Variants in CD58 observed in about 807,000 individuals in gnomAD.
CD58 encodes lymphocyte function-associated antigen 3.
In CD58, 14 loss-of-function variants were observed where a neutral mutation model predicts 27.6. The observed-to-expected ratio is 0.51, with a 90% CI of 0.34 to 0.79. The LOEUF (loss-of-function observed/expected upper bound fraction) is 0.79, where lower values mean the gene tolerates loss of function less well. CD58 is among the 30% of genes least tolerant of loss of function. The probability of loss-of-function intolerance (pLI) is 0.02; values close to 1 mark genes in which losing one functional copy is unlikely to be tolerated. For missense variants in CD58, 268 were observed against 301.7 expected (o/e 0.89, Z 0.83); for synonymous variants, 117 against 103.8 (o/e 1.13, Z -0.77).
At position 116,532,601 on chromosome 1, in the gene CD58, C is replaced by T. The variant is rs925767257; in HGVS notation, c.628+3364G>A. Among the ~76,000 whole-genome samples the T allele has an allele frequency of 6.6e-6, 1 of 152,174 alleles. No homozygotes were observed. Among genetic ancestry groups the T allele is most frequent in the Non-Finnish European group, 1.5e-5 (1 of 68,032 alleles). On this transcript the variant is annotated intron_variant, in intron 3 of 5. Coordinates refer to ENST00000369489, the MANE Select transcript of CD58 (RefSeq NM_001779.3). The surrounding 1 kb of genome is among the most constrained non-coding windows in gnomAD (Gnocchi z 5.1). ...ATCACCAGACCTCGGCCCTTTTAGC[C>T]AAGTGATCCCCACCCCATCCCACCC...
At chr1:116,562,878 C>G (rs906597214) in intron 1 of CD58, among the ~76,000 whole-genome samples, 5 of 152,182 alleles carry the variant, frequency 3.3e-5, no homozygotes, top group Admixed American at 6.5e-5. Context: ...CACCCCGGCC[C>G]CTCCCAAATC....
chr1:116,535,618 G>C (rs1313728919), intron 3 of CD58, among the ~76,000 whole-genome samples: 1 of 98,408 alleles, frequency 1.0e-5, no homozygotes, highest in Admixed American at 1.2e-4. Flanking sequence ...GAGGCGGGCG[G>C]ATCACGAGGT....
chr1:116,556,515 T>C (rs1658574479), intron 1 of CD58, among the ~76,000 whole-genome samples: 3 of 151,974 alleles, frequency 2.0e-5, no homozygotes, highest in Admixed American at 2.0e-4. Context: ...ATAGACAGCA[T>C]TGGAACAGCA....
rs1204851735 is a variant in CD58 at position 116,559,806 on chromosome 1, G to A, written c.70+11097C>T. On this transcript the variant is annotated intron_variant, in intron 1 of 5. Coordinates refer to ENST00000369489, the MANE Select transcript of CD58 (RefSeq NM_001779.3). The surrounding 1 kb of genome is among the most constrained non-coding windows in gnomAD (Gnocchi z 4.4). The stretch of plus-strand genomic sequence containing the variant: ...TAAAATAGTTTCCTTTTTAATTCTT[G>A]TTCTTGCACTTAACCTATTTCTTCT... Among the ~76,000 whole-genome samples the A allele has an allele frequency of 1.3e-5, 2 of 152,064 alleles. No homozygotes were observed. Among genetic ancestry groups the A allele is most frequent in the Admixed American group, 6.6e-5 (1 of 15,266 alleles).
chr1:116,541,846 T>TATTTA lies in CD58; in HGVS notation c.364+2464_364+2465insTAAAT. Among the ~76,000 whole-genome samples, 1 of 152,272 alleles carries TATTTA rather than the reference T, an allele frequency of 6.6e-6. No individual in the cohort carries two copies. Among genetic ancestry groups the TATTTA allele is most frequent in the South Asian group, 2.1e-4 (1 of 4,824 alleles). ...TGATATTTAAAGCCCTGACATGGGA[T>TATTTA]GAGCTCACCCACTGGCTATGAACGC... On this transcript the variant is annotated intron_variant, in intron 2 of 5. Transcript: ENST00000369489. This position sits in a 1 kb window ranked among gnomAD's most constrained non-coding sequence, Gnocchi z 5.3.
chr1:116,522,014 T>A lies in CD58; in HGVS notation c.629-31A>T. The A allele has an allele frequency of 8.3e-7, 1 of 1,205,846 alleles. No homozygotes were observed. The highest frequency in any genetic ancestry group is 1.2e-6 in the Non-Finnish European group (1 of 830,948). 74.7% of individuals were successfully genotyped at this position (1,205,846 alleles called of 1,614,324 possible). A position where few individuals can be genotyped will look rare whatever the true frequency, so the allele number is the denominator to read the frequency against. ...AAAAAGAAAAGAAAAGAAATTCAAC[T>A]AGTTGAACTGATCAAAATGGATCCT... On this transcript the variant is annotated intron_variant, in intron 3 of 5. Transcript: ENST00000369489. This position sits in a 1 kb window ranked among gnomAD's most constrained non-coding sequence, Gnocchi z 4.6.
At position 116,550,562 on chromosome 1, in the gene CD58, G is replaced by A. The variant is rs1242015669; in HGVS notation, c.71-5958C>T. On this transcript the variant is annotated intron_variant, in intron 1 of 5. Coordinates refer to ENST00000369489, the MANE Select transcript of CD58 (RefSeq NM_001779.3). This position sits in a 1 kb window ranked among gnomAD's most constrained non-coding sequence, Gnocchi z 4.2. The stretch of plus-strand genomic sequence containing the variant: ...CCCTTCAAAGTCATCCATGAGGATC[G>A]GAATCAAATTCTTCCAAACTCCTGT... Among the ~76,000 whole-genome samples, 3 of 152,032 alleles carry A rather than the reference G, an allele frequency of 2.0e-5. No homozygotes were observed. Among genetic ancestry groups the A allele is most frequent in the African/African-American group, 7.2e-5 (3 of 41,390 alleles).
chr1:116,535,840 CAAAA>C (rs35445069), intron 3 of CD58, 121 bp downstream of exon 3: 2,219 of 151,114 alleles, frequency 0.015, no homozygotes, highest in East Asian at 0.024. Context: ...GACTCTGTCT[CAAAA>C]AAAAAAAAAA....
intron 1 of CD58, among the ~76,000 whole-genome samples, chr1:116,548,620 G>T (rs1471075697): frequency 2.6e-5 from 4 of 151,934 alleles, no homozygotes; most frequent in Non-Finnish European, 5.9e-5. Context: ...TTATTGGTAA[G>T]GCTTCTGGTA....
chr1:116,533,689 G>A, intron 3 of CD58: 1 of 680,930 alleles, frequency 1.5e-6, no homozygotes, highest in Non-Finnish European at 2.7e-6. Context: ...CCTGTCTCCA[G>A]CCAATTTCTC....
chr1:116,555,308 G>A (rs1246439592), intron 1 of CD58, among the ~76,000 whole-genome samples: 2 of 151,962 alleles, frequency 1.3e-5, no homozygotes, highest in African/African-American at 4.8e-5. Flanking sequence ...ATAAAATTGA[G>A]AGTCTTTTTA....
chr1:116,541,805 A>G lies in CD58; in HGVS notation c.364+2506T>C, dbSNP rs1657997326. Among the ~76,000 whole-genome samples the G allele has an allele frequency of 6.6e-6, 1 of 152,186 alleles. No individual in the cohort carries two copies. On this transcript the variant is annotated intron_variant, in intron 2 of 5. Transcript: ENST00000369489. The surrounding 1 kb of genome is among the most constrained non-coding windows in gnomAD (Gnocchi z 5.3). The stretch of plus-strand genomic sequence containing the variant: ...CTGGGCTAGAGCTCTAGATCTGTAC[A>G]TTATTAGCATTGAGATGATATTTAA...
Position 116,531,959 on chromosome 1 carries a change from C to T in CD58, c.628+4006G>A, listed in dbSNP as rs575107497. ...ACCAGCCACCAACCGGTCACACCAA[C>T]CAGGACCTTCAGACAGGATGAATGG... On this transcript the variant is annotated intron_variant, in intron 3 of 5. Transcript: ENST00000369489. This position sits in a 1 kb window ranked among gnomAD's most constrained non-coding sequence, Gnocchi z 4.5. 2.6e-5 allele frequency among the ~76,000 whole-genome samples: 4 copies of T among 152,342 alleles called. No individual in the cohort carries two copies. The South Asian group carries it at 6.2e-4, about 24-fold the overall frequency.
At chr1:116,543,694 G>A (rs537946229) in intron 2 of CD58, among the ~76,000 whole-genome samples, 26 of 152,080 alleles carry the variant, frequency 1.7e-4, no homozygotes, top group South Asian at 4.2e-4. Context: ...AGGCTGAGGC[G>A]GGTGGATCAC....
chr1:116,521,696 G>A lies in CD58; in HGVS notation c.706+210C>T, dbSNP rs1657266355. ...TGTTCCCAGGCCTGTAAAGCTCTCT[G>A]TGGCCTAAGGATTCATTCTACCTTG... On this transcript the variant is annotated intron_variant, in intron 4 of 5. Transcript: ENST00000369489. This position sits in a 1 kb window ranked among gnomAD's most constrained non-coding sequence, Gnocchi z 5.6. 1 of 476,952 alleles carries A rather than the reference G, an allele frequency of 2.1e-6. No homozygotes were observed. Among genetic ancestry groups the A allele is most frequent in the Non-Finnish European group, 3.9e-6 (1 of 256,882 alleles). 29.5% of individuals were successfully genotyped at this position (476,952 alleles called of 1,614,324 possible).
chr1:116,546,636 C>T lies in CD58; in HGVS notation c.71-2032G>A, dbSNP rs1000858317. ...AGTAGGTATGAGATAAACTGCCATA[C>T]CCTGGCGGCATGAAGATGTCTTTTG... On this transcript the variant is annotated intron_variant, in intron 1 of 5. Coordinates refer to ENST00000369489, the MANE Select transcript of CD58 (RefSeq NM_001779.3). The surrounding 1 kb of genome is among the most constrained non-coding windows in gnomAD (Gnocchi z 4.1). 6.6e-6 allele frequency among the ~76,000 whole-genome samples: 1 copy of T among 152,148 alleles called. No homozygotes were observed. The highest frequency in any genetic ancestry group is 1.5e-5 in the Non-Finnish European group (1 of 68,040).
intron 1 of CD58, among the ~76,000 whole-genome samples, chr1:116,569,427 C>T (rs555525898): frequency 1.3e-5 from 2 of 152,126 alleles, no homozygotes; most frequent in African/African-American, 4.8e-5. Context: ...AATCCAGACT[C>T]CCTAAGGGGA....
rs12119301 is a variant in CD58, at chr1:116,563,439, C to G, written c.70+7464G>C. Among the ~76,000 whole-genome samples, 2 of 152,170 alleles carry G rather than the reference C, an allele frequency of 1.3e-5. No homozygotes were observed. The highest frequency in any genetic ancestry group is 1.3e-4 in the Admixed American group (2 of 15,274). ...ACTAGGCGGTGCCCCAGTGGGGACT[C>G]TGTGTGGGGGCTCCAACTCCACATT... is the stretch of plus-strand genomic sequence containing the variant. On this transcript the variant is annotated intron_variant, in intron 1 of 5. Transcript: ENST00000369489. This position sits in a 1 kb window ranked among gnomAD's most constrained non-coding sequence, Gnocchi z 4.1.
At chr1:116,554,840 T>C (rs17035983) in intron 1 of CD58, among the ~76,000 whole-genome samples, 2,592 of 152,300 alleles carry the variant, frequency 0.017, 82 homozygotes, top group African/African-American at 0.059. Context: ...GAACTGTCTC[T>C]AAAACTAATA....
Sources: allele counts gnomAD v4.1 joint callset (sites outside exome capture counted in the v4.1 genomes callset), GRCh38; gene constraint gnomAD v4.1.1; non-coding constraint Gnocchi (gnomAD v3.1); transcripts MANE v1.5; gene names NCBI Gene and HGNC (gene_info 2026-07-23, HGNC 2026-07-21).